PTPRM: variants seen among roughly 807,000 people sequenced by gnomAD.
The protein encoded by PTPRM is protein tyrosine phosphatase receptor type M.
In PTPRM, 47 loss-of-function variants were observed where a neutral mutation model predicts 186.7. The ratio of observed to expected loss-of-function variants is 0.25; its 90% CI spans 0.20 to 0.32. PTPRM has a LOEUF of 0.32. PTPRM is among the 10% of genes least tolerant of loss of function. PTPRM has a pLI of 1.00. For synonymous variants in PTPRM, 668 were observed against 674.9 expected, an observed-to-expected ratio of 0.99 and a Z score of 0.16; for missense variants, 1,494 against 1,865.0, an observed-to-expected ratio of 0.80 and a Z score of 3.66.
intron 13 of PTPRM, among the ~76,000 whole-genome samples, chr18:8,126,890 G>A (rs926874527): frequency 1.3e-5 from 2 of 152,110 alleles, no homozygotes; most frequent in African/African-American, 4.8e-5. Context: ...ATCATGGCTG[G>A]AGAGCAGAGA....
At chr18:7,646,131 A>G (rs1328325375) in intron 1 of PTPRM, among the ~76,000 whole-genome samples, 1 of 152,198 alleles carries the variant, frequency 6.6e-6, no homozygotes, top group Non-Finnish European at 1.5e-5. Context: ...TTTTGTAAAC[A>G]TATGCCCAGG....
intron 7 of PTPRM, among the ~76,000 whole-genome samples, chr18:7,960,623 T>C (rs2053616034): frequency 6.6e-6 from 1 of 151,908 alleles, no homozygotes; most frequent in Non-Finnish European, 1.5e-5. Context: ...CTGGGCACCG[T>C]GGCATACATC....
chr18:7,979,615 C>T (rs918606827), intron 7 of PTPRM, among the ~76,000 whole-genome samples: 6 of 151,914 alleles, frequency 3.9e-5, no homozygotes, highest in Non-Finnish European at 8.8e-5. Flanking sequence ...TATTTTTTTC[C>T]AGGAGTTTAT....
At chr18:7,997,553 G>A (rs971303239) in intron 7 of PTPRM, among the ~76,000 whole-genome samples, 2 of 152,128 alleles carry the variant, frequency 1.3e-5, no homozygotes, top group African/African-American at 2.4e-5. Flanking sequence ...TTAAAAAGCT[G>A]CACAGCAAAG....
At chr18:8,015,328 T>C (rs1221008553) in intron 7 of PTPRM, among the ~76,000 whole-genome samples, 1 of 152,250 alleles carries the variant, frequency 6.6e-6, no homozygotes, top group Non-Finnish European at 1.5e-5. Flanking sequence ...AATATTTCTC[T>C]AGTTAGGTTT....
Position 8,069,791 on chromosome 18 carries a change from A to G in PTPRM, c.1238A>G (p.Tyr413Cys). 6.2e-7 allele frequency: 1 copy of G among 1,614,090 alleles called. No individual in the cohort carries two copies. Among genetic ancestry groups the G allele is most frequent in the Non-Finnish European group, 8.5e-7 (1 of 1,179,906 alleles). The change falls in exon 8 of 33, where the codon TAT (tyrosine) becomes TGT (cysteine). Residue 413 changes from tyrosine to cysteine, a missense_variant. By Grantham distance (194) the Tyr-to-Cys change is radical. This residue lies in a region of PTPRM where 1,107 missense variants were observed against 1,350.2 expected (regional missense o/e 0.82). Coordinates refer to ENST00000580170, the MANE Select transcript of PTPRM (RefSeq NM_001105244.2). ...FGYNVTRCHSYNLTVHYCYQV... is the reference protein window; with the variant it reads ...FGYNVTRCHSCNLTVHYCYQV... ...TATAATGTAACTCGTTGCCACAGTT[A>G]TAATCTCACTGTCCACTACTGTTAC...
At chr18:7,790,908 T>TA (rs2043309547) in intron 2 of PTPRM, among the ~76,000 whole-genome samples, 1 of 151,774 alleles carries the variant, frequency 6.6e-6, no homozygotes, top group Non-Finnish European at 1.5e-5. Context: ...AAAGTTGGTT[T>TA]TAAAAAAAAA....
chr18:8,339,288 C>G (rs1000345238), intron 22 of PTPRM, among the ~76,000 whole-genome samples: 5 of 151,800 alleles, frequency 3.3e-5, no homozygotes, highest in African/African-American at 4.8e-5. Context: ...TGCCTGCCAG[C>G]TGGAGGAGAC....
intron 19 of PTPRM, among the ~76,000 whole-genome samples, chr18:8,255,621 A>G (rs2094567275): frequency 6.6e-6 from 1 of 152,214 alleles, no homozygotes; most frequent in Non-Finnish European, 1.5e-5. Flanking sequence ...GCCATTGTTC[A>G]TTTAAAAAAA....
intron 2 of PTPRM, among the ~76,000 whole-genome samples, chr18:7,876,683 A>G (rs2048260958): frequency 6.6e-6 from 1 of 152,182 alleles, no homozygotes; most frequent in African/African-American, 2.4e-5. Flanking sequence ...GCATGTTCAC[A>G]TGTTGTTCCT....
intron 1 of PTPRM, among the ~76,000 whole-genome samples, chr18:7,605,426 C>CA (rs1266778921): frequency 6.6e-6 from 1 of 151,722 alleles, no homozygotes; most frequent in South Asian, 2.1e-4. Flanking sequence ...ATGTCCCCCC[C>CA]CCACTTCCGT....
Position 8,126,027 on chromosome 18 carries a change from A to ATATTTTT in PTPRM, c.2167+11201_2167+11202insATTTTTT, listed in dbSNP as rs57751538. On this transcript the variant is annotated intron_variant, in intron 13 of 32. Coordinates refer to ENST00000580170, the MANE Select transcript of PTPRM (RefSeq NM_001105244.2). Reference sequence around the variant, plus strand: ...TATATATATATATATATATATATATATTTTAAATCAGTAGACCTTTCCATT... The same window carrying ATATTTTT: ...TATATATATATATATATATATATATATATTTTTTTTTAAATCAGTAGACCTTTCCATT... 7.2e-3 allele frequency among the ~76,000 whole-genome samples: 498 copies of ATATTTTT among 69,182 alleles called. 11 individuals carry two copies. Among genetic ancestry groups the ATATTTTT allele is most frequent in the Non-Finnish European group, 9.7e-3 (340 of 35,114 alleles). 45.4% of individuals were successfully genotyped at this position (69,182 alleles called of 152,430 possible).
chr18:8,240,828 A>AGAGAGAG lies in PTPRM; in HGVS notation c.2301-3230_2301-3229insGAGAGAG, dbSNP rs879710754. Reference sequence around the variant, plus strand: ...AGAGAGAGAGAGAGAGAGAGAGAGAAAGAAAGAAAGAAAGAAAAGAAAGAA... The same window carrying AGAGAGAG: ...AGAGAGAGAGAGAGAGAGAGAGAGAAGAGAGAGAGAAAGAAAGAAAGAAAAGAAAGAA... On this transcript the variant is annotated intron_variant, in intron 14 of 32. Coordinates refer to ENST00000580170, the MANE Select transcript of PTPRM (RefSeq NM_001105244.2). Among the ~76,000 whole-genome samples, 181 of 31,162 alleles carry AGAGAGAG rather than the reference A, an allele frequency of 5.8e-3. 11 individuals carry two copies. The highest frequency in any genetic ancestry group is 0.011 in the East Asian group (14 of 1,264). 20.4% of individuals were successfully genotyped at this position (31,162 alleles called of 152,430 possible).
chr18:8,400,784 A>G (rs1221477298), intron 32 of PTPRM, among the ~76,000 whole-genome samples: 2 of 152,212 alleles, frequency 1.3e-5, no homozygotes, highest in Non-Finnish European at 2.9e-5. Flanking sequence ...TGTGGGGCCT[A>G]CAGCTCTCCC....
Position 8,155,102 on chromosome 18 carries a change from A to G in PTPRM, c.2300+11323A>G, listed in dbSNP as rs552566495. ...TGTACTCTCAAAATTAATATAAAAT[A>G]ACTTGAATAGGACATATTTTTTTTA... On this transcript the variant is annotated intron_variant, in intron 14 of 32. Transcript: ENST00000580170. The G allele has an allele frequency of 4.0e-5, 6 of 148,728 alleles. No homozygotes were observed. In the East Asian group the frequency reaches 1.2e-3, roughly 29 times the overall value. The allele number at this position is 148,728 out of a possible 1,614,324, so 9.2% of individuals were successfully genotyped here.
chr18:8,145,261 C>T (rs2092854767), intron 14 of PTPRM, among the ~76,000 whole-genome samples: 1 of 152,104 alleles, frequency 6.6e-6, no homozygotes, highest in African/African-American at 2.4e-5. Flanking sequence ...AAATGTGGAA[C>T]ATAGGAACTA....
intron 1 of PTPRM, among the ~76,000 whole-genome samples, chr18:7,703,987 G>A (rs149020758): frequency 6.6e-4 from 100 of 152,246 alleles, no homozygotes; most frequent in African/African-American, 2.1e-3. Flanking sequence ...ATGGATTTAC[G>A]TATGTTGAAC....
chr18:8,069,931 A>G lies in PTPRM; in HGVS notation c.1378A>G (p.Ile460Val). The G allele has an allele frequency of 6.2e-7, 1 of 1,614,066 alleles. No individual in the cohort carries two copies. The highest frequency in any genetic ancestry group is 1.3e-5 in the African/African-American group (1 of 75,026). The change falls in exon 8 of 33, where the codon ATC (isoleucine) becomes GTC (valine). Residue 460 changes from isoleucine to valine, a missense_variant. Physicochemically the swap from Ile to Val is conservative, Grantham distance 29. Coordinates refer to ENST00000580170, the MANE Select transcript of PTPRM (RefSeq NM_001105244.2). Reference protein sequence around the residue: ...SPYTNVSVKLILMNPEGRKES... With the variant: ...SPYTNVSVKLVLMNPEGRKES... ...ATACACCAATGTCAGTGTGAAACTGATCCTCATGAACCCAGAGGGCCGGAA... is the reference window on the plus strand; with the variant it reads ...ATACACCAATGTCAGTGTGAAACTGGTCCTCATGAACCCAGAGGGCCGGAA...
At chr18:7,891,004 C>G (rs958100509) in intron 3 of PTPRM, among the ~76,000 whole-genome samples, 3 of 151,800 alleles carry the variant, frequency 2.0e-5, no homozygotes, top group African/African-American at 7.3e-5. Flanking sequence ...TGGCAGGGCA[C>G]AGCGGCTCAA....
Sources: gnomAD v4.1 joint callset for allele counts (sites outside exome capture counted in the v4.1 genomes callset) on GRCh38, gnomAD v4.1.1 for gene constraint, gnomAD v4.1.1 regional missense constraint, MANE v1.5 for transcripts, NCBI Gene and HGNC (gene_info 2026-07-23, HGNC 2026-07-21) for gene names.